The following TRIM66 variants were observed in gnomAD, a reference collection of about 807,000 sequenced individuals.
TRIM66 encodes the protein tripartite motif-containing protein 66.
Under a neutral mutation model 148.2 loss-of-function variants are expected in TRIM66, and 99 were observed. That is an observed-to-expected ratio of 0.67 (90% CI 0.57 to 0.79). TRIM66 has a LOEUF of 0.79. Among genes scored for constraint, TRIM66 ranks in the 30% least tolerant of loss-of-function variants. TRIM66 has a pLI of 0.00. For synonymous variants in TRIM66, 616 were observed against 635.9 expected (o/e 0.97, Z 0.47); for missense variants, 1,666 against 1,697.9 (o/e 0.98, Z 0.33).
In TRIM66 at chr11:8,618,823, G is replaced by C; in HGVS notation, c.4046C>G (p.Ser1349Cys). Reference protein sequence around the residue: ...SEEVSSESGCSTPQGFPWPPY... With the variant: ...SEEVSSESGCCTPQGFPWPPY... ...AGGCCACGGGAAGCCCTGGGGAGTGGAACATCCACTCTCACTAGACACCTC... is the reference window on the plus strand; with the variant it reads ...AGGCCACGGGAAGCCCTGGGGAGTGCAACATCCACTCTCACTAGACACCTC... The change falls in exon 24 of 25, where the codon TCC becomes TGC. Residue 1349 changes from serine to cysteine, a missense_variant. Physicochemically the swap from Ser to Cys is moderately radical, Grantham distance 112. Around this residue, in one of 3 missense-constraint regions of TRIM66, gnomAD observed 204 missense variants for 231.0 expected, o/e 0.88. Transcript: ENST00000646038. 1 of 1,551,350 alleles carries C rather than the reference G, an allele frequency of 6.4e-7. No individual in the cohort carries two copies. Among genetic ancestry groups the C allele is most frequent in the South Asian group, 1.2e-5 (1 of 84,046 alleles).
intron 6 of TRIM66, among the ~76,000 whole-genome samples, chr11:8,663,994 T>C (rs919783246): frequency 6.6e-6 from 1 of 152,058 alleles, no homozygotes; most frequent in Non-Finnish European, 1.5e-5. Flanking sequence ...CAAGGGTAGT[T>C]AGGGAGATGT....
In TRIM66 at chr11:8,649,843, G is replaced by A. The variant is rs1427397833; in HGVS notation, c.489C>T (p.Cys163=). 5.8e-6 allele frequency: 9 copies of A among 1,551,706 alleles called. No homozygotes were observed. The South Asian group carries it at 9.5e-5, about 16-fold the overall frequency. The part of the protein sequence containing the change: ...CKEKRAAHIL[C]TYCNRWLCSS... The stretch of plus-strand genomic sequence containing the variant: ...TGCACAGCCAGCGATTGCAGTAGGT[G>A]CAGAGGATATGTGCTGCCCTCTTCT... Residue 163 remains cysteine, a synonymous_variant, in exon 8 of 25, where the codon TGC becomes TGT. Transcript: ENST00000646038.
At chr11:8,628,527 T>C (rs1211374210) in intron 15 of TRIM66, among the ~76,000 whole-genome samples, 1 of 149,610 alleles carries the variant, frequency 6.7e-6, no homozygotes, top group Non-Finnish European at 1.5e-5. Flanking sequence ...GTGGGAGGAT[T>C]GCTTGAGCCC....
In TRIM66 at chr11:8,624,932, A is replaced by C; in HGVS notation, c.2607T>G (p.Ala869=). The C allele has an allele frequency of 3.9e-6, 6 of 1,551,664 alleles. No individual in the cohort carries two copies. Among genetic ancestry groups the C allele is most frequent in the Non-Finnish European group, 5.2e-6 (6 of 1,146,958 alleles). Residue 869 remains alanine (A), a synonymous_variant, in exon 16 of 25, where the codon GCT becomes GCG. Coordinates refer to ENST00000646038, the MANE Select transcript of TRIM66 (RefSeq NM_001388022.1). Reference sequence around the variant, plus strand: ...GGTGATCACTTGCCAGGCTTGCCATAGCCTGAGGGGAGTCACTTATCAGGT... The same window carrying C: ...GGTGATCACTTGCCAGGCTTGCCATCGCCTGAGGGGAGTCACTTATCAGGT... The part of the protein sequence containing the change: ...MPNLISDSPQ[A]MASLASDHPQ...
intron 6 of TRIM66, among the ~76,000 whole-genome samples, chr11:8,659,233 G>C (rs1450860534): frequency 2.0e-5 from 3 of 152,082 alleles, no homozygotes; most frequent in African/African-American, 7.2e-5. Flanking sequence ...TCAGGAGCTT[G>C]ACCTTCATCC....
chr11:8,668,710 C>T (rs10840104), intron 6 of TRIM66, among the ~76,000 whole-genome samples: 3 of 151,824 alleles, frequency 2.0e-5, no homozygotes, highest in African/African-American at 4.8e-5. Context: ...CTCAGCCTCC[C>T]GAGTAGCTGG....
intron 3 of TRIM66, among the ~76,000 whole-genome samples, chr11:8,675,370 C>T (rs1204621747): frequency 1.3e-5 from 2 of 152,202 alleles, no homozygotes; most frequent in Non-Finnish European, 2.9e-5. Flanking sequence ...GCCTGAATAA[C>T]CACAGTTTGT....
At chr11:8,668,677 C>G (rs2038749724) in intron 6 of TRIM66, among the ~76,000 whole-genome samples, 1 of 152,018 alleles carries the variant, frequency 6.6e-6, no homozygotes. Flanking sequence ...TCTCCGCCTC[C>G]CGGGTTCACA....
In TRIM66 at chr11:8,648,097, A is replaced by G; in HGVS notation, c.726-11T>C. On this transcript the variant is annotated splice_polypyrimidine_tract_variant and intron_variant, in intron 9 of 24. Coordinates refer to ENST00000646038, the MANE Select transcript of TRIM66 (RefSeq NM_001388022.1). ...TCAACATGTCTGCACCTAGGGGATGAGGCAGAGAAAAAGCTGAGAAGGGCT... is the reference window on the plus strand; with the variant it reads ...TCAACATGTCTGCACCTAGGGGATGGGGCAGAGAAAAAGCTGAGAAGGGCT... 1.3e-6 allele frequency: 2 copies of G among 1,549,538 alleles called. No homozygotes were observed. Among genetic ancestry groups the G allele is most frequent in the African/African-American group, 2.7e-5 (2 of 73,126 alleles).
At chr11:8,631,772 T>G (rs1376347635) in intron 15 of TRIM66, among the ~76,000 whole-genome samples, 5 of 152,222 alleles carry the variant, frequency 3.3e-5, no homozygotes, top group Non-Finnish European at 5.9e-5. Flanking sequence ...GCTTGCTAGA[T>G]CAAGAACACC....
intron 7 of TRIM66, among the ~76,000 whole-genome samples, chr11:8,651,234 C>A (rs1287754803): frequency 6.6e-6 from 1 of 151,912 alleles, no homozygotes; most frequent in African/African-American, 2.4e-5. Flanking sequence ...ACATTCAACA[C>A]AAATCAGATA....
At chr11:8,662,136 C>T (rs1735124414) in intron 6 of TRIM66, among the ~76,000 whole-genome samples, 1 of 152,198 alleles carries the variant, frequency 6.6e-6, no homozygotes, top group Non-Finnish European at 1.5e-5. Context: ...ACACCCAGCT[C>T]ACCAGCCTGC....
intron 17 of TRIM66, 67 bp downstream of exon 17, chr11:8,624,292 C>T: frequency 6.6e-7 from 1 of 1,506,104 alleles, no homozygotes; most frequent in East Asian, 2.5e-5. Context: ...CCTCTCTTAC[C>T]TAGAAGTGCT....
At chr11:8,658,564 G>C (rs1204833985) in intron 6 of TRIM66, among the ~76,000 whole-genome samples, 2 of 152,106 alleles carry the variant, frequency 1.3e-5, no homozygotes, top group Non-Finnish European at 2.9e-5. Context: ...AGGACCCTGG[G>C]GACCCCCTGT....
intron 6 of TRIM66, among the ~76,000 whole-genome samples, chr11:8,659,885 T>A (rs186976771): frequency 6.6e-6 from 1 of 152,234 alleles, no homozygotes; most frequent in East Asian, 1.9e-4. Context: ...TTGTTTGTCT[T>A]TGTTTGTTTT....
chr11:8,619,309 T>TC, intron 23 of TRIM66, 74 bp downstream of exon 23: 3 of 1,413,470 alleles, frequency 2.1e-6, no homozygotes, highest in African/African-American at 1.5e-5. Context: ...AAACCTAACC[T>TC]CCCAACCCTA....
rs890785120 is a variant in TRIM66 at position 8,638,561 on chromosome 11, T to C, written c.2310+93A>G. 5 of 1,410,846 alleles carry C rather than the reference T, an allele frequency of 3.5e-6. No homozygotes were observed. In the African/African-American group the frequency reaches 4.4e-5, roughly 12 times the overall value. The allele number at this position is 1,410,846 out of a possible 1,614,324, so 87.4% of individuals were successfully genotyped here. On this transcript the variant is annotated intron_variant, in intron 15 of 24. Coordinates refer to ENST00000646038, the MANE Select transcript of TRIM66 (RefSeq NM_001388022.1). ...GCGTCCAGGGATGGAACAGGGACGC[T>C]CCTCCCCCCACCCTATCCTCCTCCT...
At chr11:8,670,551 C>A (rs1331861938) in intron 6 of TRIM66, among the ~76,000 whole-genome samples, 1 of 152,032 alleles carries the variant, frequency 6.6e-6, no homozygotes, top group East Asian at 1.9e-4. Context: ...ATCAGGAATG[C>A]CTATTTGCTA....
intron 6 of TRIM66, among the ~76,000 whole-genome samples, chr11:8,663,897 T>G (rs956408426): frequency 7.9e-5 from 12 of 152,058 alleles, no homozygotes; most frequent in African/African-American, 2.7e-4. Context: ...CTGTATAAGC[T>G]CACTCACGTA....
Sources: allele counts gnomAD v4.1 joint callset (sites outside exome capture counted in the v4.1 genomes callset), GRCh38; gene constraint gnomAD v4.1.1; regional missense constraint gnomAD v4.1.1; transcripts MANE v1.5; gene names NCBI Gene and HGNC (gene_info 2026-07-23, HGNC 2026-07-21).